Variants in FERMT2 observed in about 807,000 individuals in gnomAD.
FERMT2 encodes fermitin family homolog 2.
Under a neutral mutation model 82.7 loss-of-function variants are expected in FERMT2, and 15 were observed. The observed-to-expected ratio is 0.18, with a 90% confidence interval of 0.12 to 0.28. The LOEUF (loss-of-function observed/expected upper bound fraction) is 0.28, where lower values mean the gene tolerates loss of function less well. Among genes scored for constraint, FERMT2 ranks in the 10% least tolerant of loss-of-function variants. The probability of loss-of-function intolerance (pLI) is 1.00; values close to 1 mark genes in which losing one functional copy is unlikely to be tolerated. For missense variants in FERMT2, 645 were observed against 809.4 expected (o/e 0.80, Z 2.46); for synonymous variants, 274 against 271.5 (o/e 1.01, Z -0.09).
intron 3 of FERMT2, among the ~76,000 whole-genome samples, chr14:52,898,543 G>C (rs975147254): frequency 2.0e-5 from 3 of 152,154 alleles, no homozygotes; most frequent in Admixed American, 1.3e-4. Context: ...TATTTTTAAA[G>C]GAGTAAGATT....
chr14:52,889,613 C>T (rs918622427), intron 4 of FERMT2, among the ~76,000 whole-genome samples: 5 of 152,164 alleles, frequency 3.3e-5, no homozygotes, highest in African/African-American at 9.7e-5. Context: ...AGAAATGTGT[C>T]GTTAAGGGAT....
At chr14:52,937,702 C>T (rs1475609863) in intron 2 of FERMT2, among the ~76,000 whole-genome samples, 2 of 152,174 alleles carry the variant, frequency 1.3e-5, no homozygotes, top group Admixed American at 6.5e-5. Flanking sequence ...GTTCATGTAC[C>T]TTATATTCCC....
chr14:52,861,795 T>C (rs1208408620), intron 12 of FERMT2: 2 of 152,238 alleles, frequency 1.3e-5, no homozygotes, highest in South Asian at 2.1e-4. Context: ...ATATATATAA[T>C]TGAAGGGAAT....
Position 52,937,309 on chromosome 14 carries a change from T to C in FERMT2, c.157+13103A>G, listed in dbSNP as rs150556165. Among the ~76,000 whole-genome samples the C allele has an allele frequency of 5.3e-3, 805 of 152,310 alleles. 4 individuals are homozygous for C. The highest frequency in any genetic ancestry group is 0.019 in the South Asian group (92 of 4,822). On this transcript the variant is annotated intron_variant, in intron 2 of 14. Coordinates refer to ENST00000341590, the MANE Select transcript of FERMT2 (RefSeq NM_006832.3). The stretch of plus-strand genomic sequence containing the variant: ...CATCCAATAGGCTCTCATTTATAAA[T>C]ATTAAGTGGATAAGTTAAGGAATAA...
At chr14:52,926,414 AC>A (rs1889277024) in intron 2 of FERMT2, among the ~76,000 whole-genome samples, 2 of 4,204 alleles carry the variant, frequency 4.8e-4, no homozygotes, top group Non-Finnish European at 6.3e-4. Context: ...CAAGTGCAAC[AC>A]ACACACACAC....
At chr14:52,886,251 T>C (rs1185495775) in intron 4 of FERMT2, among the ~76,000 whole-genome samples, 1 of 151,894 alleles carries the variant, frequency 6.6e-6, no homozygotes. Flanking sequence ...GATGGAAGTA[T>C]AAACCACAGA....
chr14:52,860,060 A>G (rs897513481), intron 13 of FERMT2: 9 of 314,912 alleles, frequency 2.9e-5, no homozygotes, highest in East Asian at 6.4e-5. Context: ...CTCGTGATCC[A>G]CCCACCTCGG....
At chr14:52,896,999 A>AACACACACACACACAC (rs57945447) in intron 3 of FERMT2, among the ~76,000 whole-genome samples, 50 of 137,182 alleles carry the variant, frequency 3.6e-4, no homozygotes, top group African/African-American at 1.4e-3. Flanking sequence ...AAACAAATAA[A>AACACACACACACACAC]ACACACACAC....
chr14:52,864,327 G>A (rs1297379888), intron 12 of FERMT2, 74 bp downstream of exon 12: 1 of 1,098,586 alleles, frequency 9.1e-7, no homozygotes, highest in South Asian at 1.4e-5. Context: ...TTGTTTAAGA[G>A]GGGAAAAACA....
chr14:52,939,244 G>A (rs975606919), intron 2 of FERMT2, among the ~76,000 whole-genome samples: 15 of 148,688 alleles, frequency 1.0e-4, no homozygotes, highest in Non-Finnish European at 1.6e-4. Flanking sequence ...ATGGTGGTGC[G>A]TGCCTGTAAT....
chr14:52,870,031 A>T (rs1384176166), intron 10 of FERMT2, among the ~76,000 whole-genome samples: 5 of 152,234 alleles, frequency 3.3e-5, no homozygotes, highest in African/African-American at 1.2e-4. Context: ...TAGCTGTACA[A>T]TGTTTAAGCT....
chr14:52,945,582 A>G (rs151066452), intron 2 of FERMT2, among the ~76,000 whole-genome samples: 2 of 152,016 alleles, frequency 1.3e-5, no homozygotes, highest in African/African-American at 2.4e-5. Context: ...AAGCAACTTC[A>G]TATGTTTCTT....
chr14:52,875,658 CT>C (rs536391034), intron 7 of FERMT2, among the ~76,000 whole-genome samples: 60 of 145,468 alleles, frequency 4.1e-4, no homozygotes, highest in South Asian at 4.4e-4. Context: ...AGATTTTTGA[CT>C]TTTTTTTTTT....
chr14:52,875,100 T>C, intron 8 of FERMT2, 123 bp downstream of exon 8: 1 of 826,558 alleles, frequency 1.2e-6, no homozygotes, highest in Non-Finnish European at 1.9e-6. Context: ...TAACATCTGA[T>C]TTCTCTCTCT....
chr14:52,944,174 T>C (rs1358068839), intron 2 of FERMT2, among the ~76,000 whole-genome samples: 1 of 152,252 alleles, frequency 6.6e-6, no homozygotes, highest in Non-Finnish European at 1.5e-5. Context: ...ATTCACTTCC[T>C]ATGGATCATG....
At chr14:52,871,016 T>C (rs754841083) in intron 10 of FERMT2, among the ~76,000 whole-genome samples, 2 of 152,166 alleles carry the variant, frequency 1.3e-5, no homozygotes, top group African/African-American at 2.4e-5. Flanking sequence ...AAAGAAGAGA[T>C]GGGCTGGGCC....
intron 3 of FERMT2, among the ~76,000 whole-genome samples, chr14:52,896,773 T>C (rs895336187): frequency 6.6e-6 from 1 of 152,120 alleles, no homozygotes; most frequent in African/African-American, 2.4e-5. Context: ...GAGAACTGCT[T>C]GAGCTCAGGA....
chr14:52,948,637 A>T, intron 2 of FERMT2: 1 of 449,688 alleles, frequency 2.2e-6, no homozygotes, highest in Non-Finnish European at 4.4e-6. Context: ...TAGTCATTTA[A>T]ATTAACATCA....
chr14:52,930,993 A>C (rs1889541086), intron 2 of FERMT2, among the ~76,000 whole-genome samples: 1 of 152,074 alleles, frequency 6.6e-6, no homozygotes, highest in Non-Finnish European at 1.5e-5. Context: ...AGAGTTGGGG[A>C]TCATGGGGCA....
Sources: allele counts gnomAD v4.1 joint callset (sites outside exome capture counted in the v4.1 genomes callset), GRCh38; gene constraint gnomAD v4.1.1; transcripts MANE v1.5; gene names NCBI Gene and HGNC (gene_info 2026-07-23, HGNC 2026-07-21).